CDH12: variants seen among roughly 807,000 people sequenced by gnomAD.
CDH12 encodes cadherin 12.
CDH12 carries 41 observed loss-of-function variants against 74.1 expected under a neutral mutation model. The observed-to-expected ratio is 0.55, with a 90% CI of 0.43 to 0.72. The LOEUF (loss-of-function observed/expected upper bound fraction) is 0.72. CDH12 is among the 30% of genes least tolerant of loss of function. CDH12 has a pLI of 0.00. For synonymous variants in CDH12, 399 were observed against 355.0 expected, an observed-to-expected ratio of 1.12 and a Z score of -1.39; for missense variants, 945 against 977.2, an observed-to-expected ratio of 0.97 and a Z score of 0.44.
chr5:22,242,785 G>A (rs1271627386), intron 3 of CDH12, among the ~76,000 whole-genome samples: 1 of 152,036 alleles, frequency 6.6e-6, no homozygotes, highest in East Asian at 1.9e-4. Flanking sequence ...CCCTCTCAAA[G>A]ACTCAAGCCA....
At chr5:22,698,707 A>G (rs1425541856) in intron 1 of CDH12, among the ~76,000 whole-genome samples, 4,494 of 25,538 alleles carry the variant, frequency 0.18, 717 homozygotes, top group African/African-American at 0.37. Flanking sequence ...ATATATATAT[A>G]TATATATATA....
intron 5 of CDH12, among the ~76,000 whole-genome samples, chr5:21,977,845 C>A (rs914114761): frequency 6.6e-6 from 1 of 151,992 alleles, no homozygotes; most frequent in Non-Finnish European, 1.5e-5. Context: ...CTATAAAACT[C>A]GTGAGAGAAT....
chr5:22,797,532 C>T (rs1335881219), intron 1 of CDH12, among the ~76,000 whole-genome samples: 1 of 151,956 alleles, frequency 6.6e-6, no homozygotes, highest in Admixed American at 6.6e-5. Flanking sequence ...AAGTTAAGGA[C>T]TTAGATATAT....
chr5:22,539,834 C>T (rs748416444), intron 1 of CDH12, among the ~76,000 whole-genome samples: 14 of 152,168 alleles, frequency 9.2e-5, no homozygotes, highest in Non-Finnish European at 1.9e-4. Context: ...TTATAAAAAT[C>T]GTATCTCTGA....
intron 8 of CDH12, among the ~76,000 whole-genome samples, chr5:21,840,136 A>T (rs536942379): frequency 3.9e-5 from 6 of 152,214 alleles, no homozygotes; most frequent in Non-Finnish European, 7.3e-5. Flanking sequence ...GATTCAACAC[A>T]TATAATCACC....
intron 1 of CDH12, among the ~76,000 whole-genome samples, chr5:22,677,411 A>C (rs1398804422): frequency 6.6e-6 from 1 of 151,802 alleles, no homozygotes; most frequent in Non-Finnish European, 1.5e-5. Flanking sequence ...CCCATTCCTC[A>C]GAGACAGCGC....
At chr5:21,845,573 C>CA (rs1750122879) in intron 7 of CDH12, among the ~76,000 whole-genome samples, 1 of 83,424 alleles carries the variant, frequency 1.2e-5, no homozygotes, top group East Asian at 4.7e-4. Context: ...TTTTTTTTTT[C>CA]ATGAAGCCTT....
chr5:22,437,827 T>TTA (rs781192856), intron 2 of CDH12, among the ~76,000 whole-genome samples: 19 of 152,116 alleles, frequency 1.2e-4, no homozygotes, highest in Non-Finnish European at 2.4e-4. Context: ...TAACCAAAGT[T>TTA]TAGATAGATA....
intron 1 of CDH12, among the ~76,000 whole-genome samples, chr5:22,668,501 A>G (rs1009086323): frequency 3.9e-5 from 6 of 152,168 alleles, no homozygotes; most frequent in Non-Finnish European, 7.4e-5. Flanking sequence ...AAGGTTGAGG[A>G]TCTGCATCTG....
intron 5 of CDH12, among the ~76,000 whole-genome samples, chr5:22,056,522 C>A (rs113046180): frequency 6.6e-6 from 1 of 152,134 alleles, no homozygotes; most frequent in Non-Finnish European, 1.5e-5. Flanking sequence ...AAGAAATAAT[C>A]GTGGAAATGA....
At chr5:22,414,937 CTT>C (rs1292834962) in intron 2 of CDH12, among the ~76,000 whole-genome samples, 1 of 151,968 alleles carries the variant, frequency 6.6e-6, no homozygotes, top group Non-Finnish European at 1.5e-5. Flanking sequence ...ATGAAGGCTG[CTT>C]ATTTAGTAAC....
chr5:22,304,058 G>T (rs553663991), intron 3 of CDH12, among the ~76,000 whole-genome samples: 1 of 152,092 alleles, frequency 6.6e-6, no homozygotes, highest in East Asian at 1.9e-4. Context: ...TCATAAATGA[G>T]AATTATTTAA....
chr5:22,415,814 T>G (rs1239876373), intron 2 of CDH12, among the ~76,000 whole-genome samples: 1 of 152,128 alleles, frequency 6.6e-6, no homozygotes, highest in East Asian at 1.9e-4. Context: ...TCCTAAAACA[T>G]TTGGCATTGG....
intron 6 of CDH12, chr5:21,883,221 T>C (rs1579903168): frequency 5.1e-6 from 7 of 1,367,878 alleles, no homozygotes; most frequent in Non-Finnish European, 7.3e-6. Flanking sequence ...GAATGATGAA[T>C]TAGAAATTAT....
At chr5:22,646,514 A>G (rs1278588832) in intron 1 of CDH12, among the ~76,000 whole-genome samples, 1 of 151,418 alleles carries the variant, frequency 6.6e-6, no homozygotes, top group Non-Finnish European at 1.5e-5. Flanking sequence ...TCCTTCCTGA[A>G]GGAGAGGATT....
chr5:22,545,667 T>C (rs1191489998), intron 1 of CDH12, among the ~76,000 whole-genome samples: 1 of 152,202 alleles, frequency 6.6e-6, no homozygotes. Flanking sequence ...AACAATTACA[T>C]TTTAATCCAT....
chr5:22,627,223 T>A (rs1370356718), intron 1 of CDH12, among the ~76,000 whole-genome samples: 1 of 152,084 alleles, frequency 6.6e-6, no homozygotes, highest in Non-Finnish European at 1.5e-5. Flanking sequence ...ATATGCAAAT[T>A]CAGCAAATCC....
chr5:22,601,780 G>A (rs1253779606), intron 1 of CDH12, among the ~76,000 whole-genome samples: 1 of 152,036 alleles, frequency 6.6e-6, no homozygotes. Context: ...CAAAGGGGTA[G>A]ATTTTAGGAA....
intron 3 of CDH12, among the ~76,000 whole-genome samples, chr5:22,234,465 A>G (rs1752491697): frequency 6.6e-6 from 1 of 152,142 alleles, no homozygotes; most frequent in African/African-American, 2.4e-5. Flanking sequence ...CTGCCATGTC[A>G]AAAGTGCCTT....
Sources: gnomAD v4.1 joint callset for allele counts (sites outside exome capture counted in the v4.1 genomes callset) on GRCh38, gnomAD v4.1.1 for gene constraint, MANE v1.5 for transcripts, NCBI Gene and HGNC (gene_info 2026-07-23, HGNC 2026-07-21) for gene names.